The following LRCH3 variants were observed in gnomAD, a reference collection of about 807,000 sequenced individuals.
LRCH3 encodes the protein leucine rich repeats and calponin homology domain containing 3.
Under a neutral mutation model 104.5 loss-of-function variants are expected in LRCH3, and 68 were observed. That is an observed-to-expected ratio of 0.65 (90% CI 0.54 to 0.80). The LOEUF (loss-of-function observed/expected upper bound fraction) is 0.80, where lower values mean the gene tolerates loss of function less well. Ranked by LOEUF, LRCH3 falls within the 30% of genes least tolerant of loss-of-function variation. The pLI is 0.00. For missense variants in LRCH3, 951 were observed against 953.9 expected, an observed-to-expected ratio of 1.00 and a Z score of 0.04; for synonymous variants, 344 against 361.3, an observed-to-expected ratio of 0.95 and a Z score of 0.54.
chr3:197,857,899 TAC>T (rs1242053137), intron 14 of LRCH3, among the ~76,000 whole-genome samples: 1 of 152,246 alleles, frequency 6.6e-6, no homozygotes, highest in Admixed American at 6.5e-5. Flanking sequence ...TCATTAAAAA[TAC>T]AGTTGTATTT....
chr3:197,876,020 A>G (rs577803352), intron 20 of LRCH3: 106 of 290,002 alleles, frequency 3.7e-4, no homozygotes, highest in African/African-American at 2.0e-3. Context: ...TAATTATTCT[A>G]TTTTCCTAAA....
chr3:197,882,314 C>A, intron 20 of LRCH3: 1 of 985,408 alleles, frequency 1.0e-6, no homozygotes, highest in Non-Finnish European at 1.2e-6. Context: ...TATCATTTAT[C>A]TAGACTTGCA....
At chr3:197,858,947 A>T (rs185724325) in intron 15 of LRCH3, 42 bp downstream of exon 15, 5 of 1,498,770 alleles carry the variant, frequency 3.3e-6, no homozygotes, top group Non-Finnish European at 4.7e-6. Flanking sequence ...TTTGGGGAGG[A>T]GGTGGATATA....
chr3:197,855,164 G>A (rs1406701357), intron 14 of LRCH3, among the ~76,000 whole-genome samples: 1 of 152,138 alleles, frequency 6.6e-6, no homozygotes, highest in Non-Finnish European at 1.5e-5. Context: ...CTGCTGCCAG[G>A]GTGCATCCTG....
intron 3 of LRCH3, 39 bp downstream of exon 3, chr3:197,817,341 T>TATTTTGTGTGTGTGTGCGTGTGTGTGTGA: frequency 2.3e-6 from 1 of 435,568 alleles, no homozygotes; most frequent in Admixed American, 8.1e-5. Flanking sequence ...TGTGTGTGTG[T>TATTTTGTGTGTGTGTGCGTGTGTGTGTGA]GTGTCTGTGT....
At chr3:197,870,063 T>C (rs1711949769) in intron 17 of LRCH3, 97 bp from the exon 18 acceptor site, 1 of 1,250,638 alleles carries the variant, frequency 8.0e-7, no homozygotes, top group South Asian at 1.3e-5. Context: ...TAGAAAGCCA[T>C]GCACTGCACT....
intron 10 of LRCH3, among the ~76,000 whole-genome samples, chr3:197,841,359 T>G (rs1392443025): frequency 6.6e-6 from 1 of 152,218 alleles, no homozygotes; most frequent in African/African-American, 2.4e-5. Context: ...CATGGCTCCC[T>G]CCATCTTCAA....
In LRCH3 at chr3:197,791,386, A is replaced by AGGCCCTGGTTTTGGCCCGGGCTC. The variant is rs1730472290; in HGVS notation, c.110_132dup (p.Trp45AlafsTer26). The AGGCCCTGGTTTTGGCCCGGGCTC allele has an allele frequency of 2.5e-6, 4 of 1,597,128 alleles. No homozygotes were observed. The highest frequency in any genetic ancestry group is 3.4e-6 in the Non-Finnish European group (4 of 1,173,426). ...TTCACTGCGGCCCAAGCTCCGGGGC[A>AGGCCCTGGTTTTGGCCCGGGCTC]GGCCCTGGTTTTGGCCCGGGCTCGT... is the stretch of plus-strand genomic sequence containing the variant. On this transcript the variant is annotated frameshift_variant, in exon 1 of 21. Coordinates refer to ENST00000425562, the MANE Select transcript of LRCH3 (RefSeq NM_001365715.1). LOFTEE classifies it high-confidence loss of function.
chr3:197,840,101 C>T (rs970887821), intron 10 of LRCH3, among the ~76,000 whole-genome samples: 1 of 151,938 alleles, frequency 6.6e-6, no homozygotes, highest in African/African-American at 2.4e-5. Flanking sequence ...GTCCTGTCTC[C>T]GTTAATACAC....
At chr3:197,867,592 A>G (rs201536794) in intron 17 of LRCH3, among the ~76,000 whole-genome samples, 84 of 151,838 alleles carry the variant, frequency 5.5e-4, no homozygotes, top group African/African-American at 1.9e-3. Flanking sequence ...GGTGGCTCAC[A>G]CTTGTAATCC....
chr3:197,846,309 C>T (rs966951038), intron 10 of LRCH3, among the ~76,000 whole-genome samples: 2 of 146,366 alleles, frequency 1.4e-5, no homozygotes, highest in Non-Finnish European at 3.0e-5. Flanking sequence ...AAGGCTGAGG[C>T]GATATTATCG....
intron 18 of LRCH3, 37 bp from the exon 19 acceptor site, chr3:197,871,288 C>T (rs1314837894): frequency 2.6e-6 from 4 of 1,517,278 alleles, no homozygotes; most frequent in South Asian, 1.1e-5. Context: ...GTCAGTCTTT[C>T]TTCAATTAAT....
rs184556187 is a variant in LRCH3 at position 197,813,633 on chromosome 3, C to T, written c.263-1275C>T. 2.8e-3 allele frequency among the ~76,000 whole-genome samples: 399 copies of T among 142,282 alleles called. 1 individual carries two copies. The highest frequency in any genetic ancestry group is 9.7e-3 in the African/African-American group (379 of 38,988). 93.3% of individuals were successfully genotyped at this position (142,282 alleles called of 152,430 possible). On this transcript the variant is annotated intron_variant, in intron 1 of 20. Transcript: ENST00000425562. ...GCAACCTCTGCCTCCCAGGTTCAAG[C>T]GATTCTCCTGCCTCAGCCTCCCGAG...
At chr3:197,882,750 A>G (rs115786948) in intron 20 of LRCH3, 2 of 985,288 alleles carry the variant, frequency 2.0e-6, no homozygotes, top group African/African-American at 3.5e-5. Flanking sequence ...ACATTAAGGA[A>G]GCGTTTAACT....
At chr3:197,861,193 T>G (rs1740840409) in intron 15 of LRCH3, among the ~76,000 whole-genome samples, 1 of 152,164 alleles carries the variant, frequency 6.6e-6, no homozygotes, top group Non-Finnish European at 1.5e-5. Context: ...TGGTTATTGT[T>G]GAGCATGCCC....
chr3:197,813,510 A>ATT lies in LRCH3; in HGVS notation c.263-1361_263-1360dup, dbSNP rs57062885. On this transcript the variant is annotated intron_variant, in intron 1 of 20. Transcript: ENST00000425562. ...CCGTTCTTCTAATGGGAGGCATATA[A>ATT]TTTTTTTTTTTTTTTTTTTTTTTTT... Among the ~76,000 whole-genome samples the ATT allele has an allele frequency of 1.0e-3, 66 of 66,054 alleles. 3 individuals carry two copies. Among genetic ancestry groups the ATT allele is most frequent in the Admixed American group, 1.3e-3 (7 of 5,296 alleles). 43.3% of individuals were successfully genotyped at this position (66,054 alleles called of 152,430 possible). A position where few individuals can be genotyped will look rare whatever the true frequency, so the allele number is the denominator to read the frequency against.
chr3:197,821,562 A>G (rs1426453084), intron 4 of LRCH3, among the ~76,000 whole-genome samples: 3 of 152,224 alleles, frequency 2.0e-5, no homozygotes, highest in African/African-American at 4.8e-5. Flanking sequence ...ATTTGAATCA[A>G]ATACAGAAAT....
intron 8 of LRCH3, among the ~76,000 whole-genome samples, chr3:197,835,156 CAAAAT>C (rs1168536471): frequency 2.0e-5 from 3 of 151,974 alleles, no homozygotes; most frequent in African/African-American, 7.3e-5. Flanking sequence ...AAAAACAAAA[CAAAAT>C]AAAATATAAG....
At chr3:197,879,944 T>A (rs960951787) in intron 20 of LRCH3, among the ~76,000 whole-genome samples, 121 of 143,516 alleles carry the variant, frequency 8.4e-4, no homozygotes, top group African/African-American at 3.2e-3. Flanking sequence ...TTCTGTGTAT[T>A]GTATTTTTTT....
Sources: allele counts gnomAD v4.1 joint callset (sites outside exome capture counted in the v4.1 genomes callset), GRCh38; gene constraint gnomAD v4.1.1; transcripts MANE v1.5; gene names NCBI Gene and HGNC (gene_info 2026-07-23, HGNC 2026-07-21).